The following SGCD variants were observed in gnomAD, a reference collection of about 807,000 sequenced individuals.
SGCD encodes delta-sarcoglycan.
A neutral mutation model predicts 36.6 loss-of-function variants in SGCD; 18 were observed. That is an observed-to-expected ratio of 0.49 (90% confidence interval 0.34 to 0.73). The LOEUF is 0.73. Ranked by LOEUF, SGCD falls within the 30% of genes least tolerant of loss-of-function variation. The pLI, the probability that SGCD is intolerant of heterozygous loss-of-function variation, is 0.01. For missense variants in SGCD, 387 were observed against 346.7 expected (o/e 1.12, Z -0.92); for synonymous variants, 133 against 130.6 (o/e 1.02, Z -0.12).
intron 1 of SGCD, among the ~76,000 whole-genome samples, chr5:156,039,906 C>T (rs960279384): frequency 2.0e-5 from 3 of 152,206 alleles, no homozygotes; most frequent in African/African-American, 7.2e-5. Context: ...GATTGATGTG[C>T]AGTCTCTTCA....
chr5:156,068,567 G>A (rs868676694), intron 1 of SGCD, among the ~76,000 whole-genome samples: 4 of 151,738 alleles, frequency 2.6e-5, no homozygotes, highest in South Asian at 2.1e-4. Context: ...ATTGTGAATA[G>A]TGCCGCAGTA....
chr5:156,313,741 C>T lies in SGCD; in HGVS notation c.-43-15793C>T, dbSNP rs186695459. Among the ~76,000 whole-genome samples, 375 of 152,154 alleles carry T rather than the reference C, an allele frequency of 2.5e-3. 3 individuals carry two copies. Among genetic ancestry groups the T allele is most frequent in the Non-Finnish European group, 3.2e-3 (219 of 67,926 alleles). The stretch of plus-strand genomic sequence containing the variant: ...TTTAGGGTACTAGGATCATAGTCTG[C>T]TGAAGTGGTAGGTATCTCCATTAAG... On this transcript the variant is annotated intron_variant, in intron 3 of 9. Transcript: ENST00000517913.
At position 156,058,582 on chromosome 5, in the gene SGCD, C is replaced by T. The variant is rs148054464; in HGVS notation, c.-281-59296C>T. On this transcript the variant is annotated intron_variant, in intron 1 of 9. Coordinates refer to the SGCD transcript ENST00000517913. ...GGAGACATACTGATCAATAGCAATGCGTGGGCCTAAATTTTATCCTGATTC... is the reference window on the plus strand; with the variant it reads ...GGAGACATACTGATCAATAGCAATGTGTGGGCCTAAATTTTATCCTGATTC... Among the ~76,000 whole-genome samples, 4 of 145,320 alleles carry T rather than the reference C, an allele frequency of 2.8e-5. No individual in the cohort carries two copies. The East Asian group carries it at 7.7e-4, about 28-fold the overall frequency.
intron 3 of SGCD, among the ~76,000 whole-genome samples, chr5:156,498,702 G>T (rs1050438388): frequency 6.6e-6 from 1 of 152,030 alleles, no homozygotes; most frequent in African/African-American, 2.4e-5. Flanking sequence ...CCACATTTTG[G>T]CTCTGATGAA....
chr5:156,000,984 C>T (rs771310843), intron 1 of SGCD, among the ~76,000 whole-genome samples: 7 of 152,128 alleles, frequency 4.6e-5, no homozygotes, highest in Non-Finnish European at 8.8e-5. Context: ...TGCTAATTCT[C>T]ACATGAACTT....
At chr5:155,937,096 T>C (rs765163921) in intron 1 of SGCD, among the ~76,000 whole-genome samples, 2 of 152,140 alleles carry the variant, frequency 1.3e-5, no homozygotes, top group Non-Finnish European at 2.9e-5. Context: ...TCTGCAGAGA[T>C]ACCCAGGTCT....
Position 156,032,690 on chromosome 5 carries a change from G to A in SGCD, c.-281-85188G>A, listed in dbSNP as rs541870746. Among the ~76,000 whole-genome samples, 6 of 101,524 alleles carry A rather than the reference G, an allele frequency of 5.9e-5. No homozygotes were observed. In the South Asian group the frequency reaches 2.1e-3, roughly 36 times the overall value. 66.6% of individuals were successfully genotyped at this position (101,524 alleles called of 152,430 possible). The stretch of plus-strand genomic sequence containing the variant: ...CCACTGCACTCCAGCCTGGGCGACA[G>A]AGCAAGACTCCGTCTCAAAAAAAAA... On this transcript the variant is annotated intron_variant, in intron 1 of 9. Coordinates refer to the SGCD transcript ENST00000517913.
At chr5:156,190,782 A>G (rs1012882906) in intron 3 of SGCD, among the ~76,000 whole-genome samples, 6 of 152,148 alleles carry the variant, frequency 3.9e-5, no homozygotes, top group African/African-American at 4.8e-5. Flanking sequence ...ACCCTATTTT[A>G]AAGAAGGACC....
chr5:156,329,616 C>G, intron 2 of SGCD, 37 bp downstream of exon 2: 1 of 1,599,284 alleles, frequency 6.3e-7, no homozygotes, highest in Non-Finnish European at 8.6e-7. Context: ...GTTCAAGGCC[C>G]TGCTCATGGT....
chr5:155,895,550 A>G lies in SGCD; in HGVS notation c.-282+25126A>G, dbSNP rs143464537. Among the ~76,000 whole-genome samples, 18 of 152,336 alleles carry G rather than the reference A, an allele frequency of 1.2e-4. No individual in the cohort carries two copies. The East Asian group carries it at 3.5e-3, about 29-fold the overall frequency. On this transcript the variant is annotated intron_variant, in intron 1 of 9. Coordinates refer to the SGCD transcript ENST00000517913. Reference sequence around the variant, plus strand: ...ACATTGCAATCTGCTGTCATCTATCAGTCTTCACAAATGTCCTGGTGGTAA... The same window carrying G: ...ACATTGCAATCTGCTGTCATCTATCGGTCTTCACAAATGTCCTGGTGGTAA...
intron 3 of SGCD, among the ~76,000 whole-genome samples, chr5:156,470,924 C>A (rs1243624512): frequency 1.3e-5 from 2 of 152,148 alleles, no homozygotes; most frequent in Admixed American, 6.6e-5. Flanking sequence ...AGTATAAAAG[C>A]TAGGTCACCT....
chr5:156,154,215 C>T (rs905688547), intron 3 of SGCD, among the ~76,000 whole-genome samples: 4 of 151,580 alleles, frequency 2.6e-5, no homozygotes, highest in African/African-American at 9.8e-5. Flanking sequence ...TGTCTTCCAC[C>T]TCCACTTTCT....
At chr5:155,807,858 G>A in the SGCD span, among the ~76,000 whole-genome samples, 1 of 152,134 alleles carries the variant, frequency 6.6e-6, no homozygotes, top group Non-Finnish European at 1.5e-5. Flanking sequence ...TTTCTTTTCT[G>A]TCTTTTCAGC....
At chr5:156,428,690 C>T (rs1773781979) in intron 3 of SGCD, among the ~76,000 whole-genome samples, 1 of 152,062 alleles carries the variant, frequency 6.6e-6, no homozygotes, top group East Asian at 1.9e-4. Context: ...AAACTTTCCA[C>T]TTAGCACTGC....
chr5:156,424,470 A>G lies in SGCD; in HGVS notation c.192+79793A>G, dbSNP rs575135776. On this transcript the variant is annotated intron_variant, in intron 3 of 8. Transcript: ENST00000337851. ...TGTATTTGGGATATGCGTTGTGCACACATCTCTGTTAAAAACCTGATACAG... is the reference window on the plus strand; with the variant it reads ...TGTATTTGGGATATGCGTTGTGCACGCATCTCTGTTAAAAACCTGATACAG... Among the ~76,000 whole-genome samples the G allele has an allele frequency of 1.3e-3, 191 of 152,228 alleles. 2 individuals carry two copies. The highest frequency in any genetic ancestry group is 4.4e-3 in the African/African-American group (181 of 41,546).
At chr5:156,751,994 C>T (rs1375846142) in intron 7 of SGCD, among the ~76,000 whole-genome samples, 2 of 152,152 alleles carry the variant, frequency 1.3e-5, no homozygotes, top group Non-Finnish European at 2.9e-5. Context: ...ATGGTTGCAC[C>T]ATTTGTAAAA....
At chr5:156,423,300 A>ATATTATATTATAATATAT (rs375576755) in intron 3 of SGCD, among the ~76,000 whole-genome samples, 1 of 9,924 alleles carries the variant, frequency 1.0e-4, no homozygotes, top group East Asian at 3.7e-3. Flanking sequence ...TTATAATATA[A>ATATTATATTATAATATAT]TATATTTTAT....
intron 7 of SGCD, among the ~76,000 whole-genome samples, chr5:156,754,719 C>CAGG (rs1266536475): frequency 6.6e-6 from 1 of 152,068 alleles, no homozygotes; most frequent in Non-Finnish European, 1.5e-5. Context: ...TTTGTATAAT[C>CAGG]AGGACTATAG....
chr5:156,572,964 A>G (rs1759782354), intron 4 of SGCD, among the ~76,000 whole-genome samples: 1 of 152,180 alleles, frequency 6.6e-6, no homozygotes, highest in South Asian at 2.1e-4. Context: ...CCAAGAAAGA[A>G]ATTTAGGGTA....
Sources: gnomAD v4.1 joint callset for allele counts (sites outside exome capture counted in the v4.1 genomes callset) on GRCh38, gnomAD v4.1.1 for gene constraint, MANE v1.5 for transcripts, NCBI Gene and HGNC (gene_info 2026-07-23, HGNC 2026-07-21) for gene names.